The following C14orf39 variants were observed in gnomAD, a reference collection of about 807,000 sequenced individuals.
C14orf39 encodes protein SIX6OS1.
Under a neutral mutation model 85.6 loss-of-function variants are expected in C14orf39, and 66 were observed. That is an observed-to-expected ratio of 0.77 (90% CI 0.63 to 0.95). The LOEUF (loss-of-function observed/expected upper bound fraction) is 0.95, where lower values mean the gene tolerates loss of function less well. C14orf39 is among the 40% of genes least tolerant of loss of function. The pLI, the probability that C14orf39 is intolerant of heterozygous loss-of-function variation, is 0.00. For missense variants in C14orf39, 735 were observed against 663.9 expected (o/e 1.11, Z -1.18); for synonymous variants, 242 against 214.0 (o/e 1.13, Z -1.14).
At chr14:60,507,703 G>A (rs1893224141) in intron 1 of C14orf39, among the ~76,000 whole-genome samples, 1 of 152,056 alleles carries the variant, frequency 6.6e-6, no homozygotes, top group Non-Finnish European at 1.5e-5. Context: ...AACCATCTGT[G>A]CTATCTATCT....
At chr14:60,457,762 G>A (rs1891344371) in intron 14 of C14orf39, among the ~76,000 whole-genome samples, 1 of 151,852 alleles carries the variant, frequency 6.6e-6, no homozygotes, top group Non-Finnish European at 1.5e-5. Context: ...TTAATAGTTA[G>A]ACTGAACTTG....
chr14:60,461,420 G>A lies in C14orf39; in HGVS notation c.1059-8C>T, dbSNP rs1050783105. The A allele has an allele frequency of 6.2e-7, 1 of 1,601,660 alleles. No homozygotes were observed. The highest frequency in any genetic ancestry group is 1.7e-5 in the Admixed American group (1 of 59,214). On this transcript the variant is annotated splice_polypyrimidine_tract_variant and splice_region_variant and intron_variant, in intron 12 of 17. Coordinates refer to ENST00000321731, the MANE Select transcript of C14orf39 (RefSeq NM_174978.3). ...TTCTGTGGGGTTAACAATCTAAAATGGAATAAATATAATTTTTGTATTTTT... is the reference window on the plus strand; with the variant it reads ...TTCTGTGGGGTTAACAATCTAAAATAGAATAAATATAATTTTTGTATTTTT...
intron 5 of C14orf39, among the ~76,000 whole-genome samples, chr14:60,477,848 T>C (rs1892456686): frequency 6.6e-6 from 1 of 152,086 alleles, no homozygotes; most frequent in African/African-American, 2.4e-5. Flanking sequence ...GATGTTCCAC[T>C]GCACCCAAGG....
At chr14:60,473,642 C>T (rs1465530219) in intron 5 of C14orf39, among the ~76,000 whole-genome samples, 2 of 152,122 alleles carry the variant, frequency 1.3e-5, no homozygotes, top group Non-Finnish European at 2.9e-5. Flanking sequence ...TTTCCCAGCA[C>T]CATTTATTAA....
At chr14:60,443,826 A>G (rs551461335) in intron 16 of C14orf39, among the ~76,000 whole-genome samples, 9 of 152,310 alleles carry the variant, frequency 5.9e-5, no homozygotes, top group African/African-American at 1.9e-4. Context: ...AGATTCCAGA[A>G]GAAGGATCAG....
chr14:60,446,769 TC>T (rs1890785685), intron 16 of C14orf39, among the ~76,000 whole-genome samples: 2 of 152,096 alleles, frequency 1.3e-5, no homozygotes, highest in South Asian at 4.1e-4. Flanking sequence ...TAGACCAATA[TC>T]CCTGATGAAC....
chr14:60,508,326 C>G (rs776730084), intron 1 of C14orf39, among the ~76,000 whole-genome samples: 4 of 152,104 alleles, frequency 2.6e-5, no homozygotes, highest in African/African-American at 9.7e-5. Context: ...AATGACTTCT[C>G]GGCTCTAGAT....
chr14:60,512,505 T>C (rs1893309841), intron 1 of C14orf39: 1 of 152,156 alleles, frequency 6.6e-6, no homozygotes. Context: ...ACAAGAGGGA[T>C]ACTGAGATGG....
At chr14:60,467,768 C>A (rs963232523) in intron 9 of C14orf39, among the ~76,000 whole-genome samples, 2 of 151,392 alleles carry the variant, frequency 1.3e-5, no homozygotes, top group African/African-American at 2.4e-5. Context: ...GGGAAATTAA[C>A]CCGACAGAAG....
upstream of C14orf39, among the ~76,000 whole-genome samples, chr14:60,487,149 T>C (rs2140171450): frequency 6.6e-6 from 1 of 152,330 alleles, no homozygotes; most frequent in Admixed American, 6.5e-5. Context: ...TCTACTCTCT[T>C]AGCAAGTTTC....
At chr14:60,445,475 T>C (rs1223835616) in intron 16 of C14orf39, among the ~76,000 whole-genome samples, 1 of 152,180 alleles carries the variant, frequency 6.6e-6, no homozygotes, top group Non-Finnish European at 1.5e-5. Flanking sequence ...TGAAGGCTAT[T>C]ACAAAATGAT....
chr14:60,492,788 T>C (rs574894539), intron 2 of C14orf39, among the ~76,000 whole-genome samples: 1 of 151,712 alleles, frequency 6.6e-6, no homozygotes, highest in Non-Finnish European at 1.5e-5. Context: ...GTCTCAAAAA[T>C]AAAAATAAAA....
chr14:60,449,145 C>G (rs1890920208), intron 16 of C14orf39, among the ~76,000 whole-genome samples: 1 of 152,102 alleles, frequency 6.6e-6, no homozygotes, highest in Admixed American at 6.6e-5. Flanking sequence ...TGTAACAAAC[C>G]TGCATGTTGT....
intron 11 of C14orf39, among the ~76,000 whole-genome samples, chr14:60,465,335 G>T (rs1462852386): frequency 6.6e-6 from 1 of 152,048 alleles, no homozygotes; most frequent in African/African-American, 2.4e-5. Flanking sequence ...AATGGGGAAA[G>T]ATAAAAAAGT....
chr14:60,506,522 A>C (rs542208140), intron 1 of C14orf39, among the ~76,000 whole-genome samples: 1 of 152,300 alleles, frequency 6.6e-6, no homozygotes, highest in East Asian at 1.9e-4. Context: ...CTCGGCTCAC[A>C]TACTTCTTCC....
intron 11 of C14orf39, among the ~76,000 whole-genome samples, chr14:60,465,013 C>T (rs1015572038): frequency 6.6e-6 from 1 of 151,998 alleles, no homozygotes; most frequent in Non-Finnish European, 1.5e-5. Context: ...GGTGGTTACC[C>T]TTAAATGTTT....
intron 1 of C14orf39, among the ~76,000 whole-genome samples, chr14:60,513,348 T>C (rs947864919): frequency 6.6e-6 from 1 of 152,164 alleles, no homozygotes; most frequent in Non-Finnish European, 1.5e-5. Context: ...GTTCCTAGAA[T>C]GCTAACGAGG....
intron 4 of C14orf39, among the ~76,000 whole-genome samples, chr14:60,481,009 G>T (rs1892612815): frequency 6.6e-6 from 1 of 152,124 alleles, no homozygotes; most frequent in African/African-American, 2.4e-5. Context: ...CAAAGTTTAA[G>T]TTGGAGTGGA....
Position 60,484,215 on chromosome 14 carries a change from CTA to C in C14orf39, c.107-400_107-399del, listed in dbSNP as rs987380657. Among the ~76,000 whole-genome samples the C allele has an allele frequency of 6.6e-6, 1 of 152,108 alleles. No individual in the cohort carries two copies. The highest frequency in any genetic ancestry group is 6.5e-5 in the Admixed American group (1 of 15,272). On this transcript the variant is annotated intron_variant, in intron 3 of 17. Transcript: ENST00000321731. This position sits in a 1 kb window ranked among gnomAD's most constrained non-coding sequence, Gnocchi z 4.2. ...AATGTGAAATTTCTATTCATCAATT[CTA>C]TGTCAATTATTAAACGCACTTTCAA...
Sources: gnomAD v4.1 joint callset for allele counts (sites outside exome capture counted in the v4.1 genomes callset) on GRCh38, gnomAD v4.1.1 for gene constraint, Gnocchi (gnomAD v3.1) non-coding constraint, MANE v1.5 for transcripts, NCBI Gene and HGNC (gene_info 2026-07-23, HGNC 2026-07-21) for gene names.